The following TTC28 variants were observed in gnomAD, a reference collection of about 807,000 sequenced individuals.
TTC28 encodes tetratricopeptide repeat domain 28, also known as tetratricopeptide repeat protein 28.
TTC28 carries 61 observed loss-of-function variants against 198.0 expected under a neutral mutation model. The observed-to-expected ratio is 0.31, with a 90% confidence interval of 0.25 to 0.38. TTC28 has a LOEUF of 0.38. Among genes scored for constraint, TTC28 ranks in the 10% least tolerant of loss-of-function variants. The pLI is 1.00. For missense variants in TTC28, 2,678 were observed against 3,164.0 expected (o/e 0.85, Z 3.69); for synonymous variants, 1,171 against 1,297.8 (o/e 0.90, Z 2.10).
chr22:28,368,034 A>C (rs184699990), intron 2 of TTC28, among the ~76,000 whole-genome samples: 90 of 152,254 alleles, frequency 5.9e-4, no homozygotes, highest in Non-Finnish European at 1.2e-3. Flanking sequence ...ATAGAGAAGG[A>C]GAGAATACAT....
At position 28,297,018 on chromosome 22, in the gene TTC28, A is replaced by G. The variant is rs1210484519; in HGVS notation, c.802+562T>C. Among the ~76,000 whole-genome samples, 4 of 152,304 alleles carry G rather than the reference A, an allele frequency of 2.6e-5. No homozygotes were observed. The East Asian group carries it at 5.8e-4, about 22-fold the overall frequency. On this transcript the variant is annotated intron_variant, in intron 4 of 22. Coordinates refer to ENST00000397906, the MANE Select transcript of TTC28 (RefSeq NM_001145418.2). Reference sequence around the variant, plus strand: ...AATGAAGGAAAAAATTAAAACTAAGATGAAAGATTGACCCAACAATGTTAT... The same window carrying G: ...AATGAAGGAAAAAATTAAAACTAAGGTGAAAGATTGACCCAACAATGTTAT...
chr22:28,313,839 A>G (rs2045308234), intron 2 of TTC28, among the ~76,000 whole-genome samples: 1 of 152,216 alleles, frequency 6.6e-6, no homozygotes, highest in South Asian at 2.1e-4. Flanking sequence ...CCTATTCAAC[A>G]TAGTATTGGA....
In TTC28 at chr22:28,032,205, AAT is replaced by A. The variant is rs1309086754; in HGVS notation, c.3933-1841_3933-1840del. Among the ~76,000 whole-genome samples the A allele has an allele frequency of 4.7e-3, 478 of 100,790 alleles. 4 individuals are homozygous for A. Among genetic ancestry groups the A allele is most frequent in the Non-Finnish European group, 6.4e-3 (303 of 47,672 alleles). The allele number at this position is 100,790 out of a possible 152,430, so 66.1% of individuals were successfully genotyped here. ...ATATATATAAAATATATATATATAAAATATATATATATAAAATATATATATAT... is the reference window on the plus strand; with the variant it reads ...ATATATATAAAATATATATATATAAAATATATATATAAAATATATATATAT... On this transcript the variant is annotated intron_variant, in intron 12 of 22. Coordinates refer to ENST00000397906, the MANE Select transcript of TTC28 (RefSeq NM_001145418.2).
intron 2 of TTC28, among the ~76,000 whole-genome samples, chr22:28,408,996 T>C (rs374122093): frequency 1.3e-5 from 2 of 152,238 alleles, no homozygotes; most frequent in South Asian, 2.1e-4. Context: ...TACTGCAGCA[T>C]AGAGGAATCA....
intron 21 of TTC28, among the ~76,000 whole-genome samples, chr22:27,989,264 GT>G (rs1282118690): frequency 6.6e-6 from 1 of 152,200 alleles, no homozygotes; most frequent in Non-Finnish European, 1.5e-5. Context: ...TCTCTCAGAG[GT>G]GGTTTCAATA....
chr22:28,332,196 C>G (rs1191018606), intron 2 of TTC28, among the ~76,000 whole-genome samples: 1 of 152,016 alleles, frequency 6.6e-6, no homozygotes, highest in Non-Finnish European at 1.5e-5. Flanking sequence ...ATCCTCTCTA[C>G]CTTCTTTCAG....
chr22:28,015,563 C>G (rs1190720033), intron 13 of TTC28, among the ~76,000 whole-genome samples: 2 of 151,722 alleles, frequency 1.3e-5, no homozygotes, highest in Non-Finnish European at 2.9e-5. Flanking sequence ...GTTGGGTCCA[C>G]AGTTATGTAC....
chr22:28,224,939 C>T (rs992292618), intron 5 of TTC28, among the ~76,000 whole-genome samples: 2 of 152,158 alleles, frequency 1.3e-5, no homozygotes, highest in African/African-American at 2.4e-5. Context: ...CTTAGAAATT[C>T]GGCAGCTTTC....
chr22:28,460,684 T>TAGGC (rs151256529), intron 2 of TTC28, among the ~76,000 whole-genome samples: 8,431 of 151,508 alleles, frequency 0.056, 367 homozygotes, highest in Admixed American at 0.14. Context: ...GACAGATAGA[T>TAGGC]AGGCAGGCAG....
At chr22:28,260,475 G>C (rs1294856372) in intron 5 of TTC28, among the ~76,000 whole-genome samples, 1 of 152,032 alleles carries the variant, frequency 6.6e-6, no homozygotes, top group Non-Finnish European at 1.5e-5. Flanking sequence ...ATATTTTTGT[G>C]ACAAGAACTA....
intron 2 of TTC28, among the ~76,000 whole-genome samples, chr22:28,546,627 C>A (rs1244931970): frequency 6.6e-6 from 1 of 152,014 alleles, no homozygotes; most frequent in Non-Finnish European, 1.5e-5. Flanking sequence ...GGTCTTTACC[C>A]AAGAGAAATA....
chr22:28,367,568 A>T (rs922396883), intron 2 of TTC28, among the ~76,000 whole-genome samples: 3 of 152,000 alleles, frequency 2.0e-5, no homozygotes, highest in African/African-American at 7.2e-5. Context: ...TAGAGAAATA[A>T]TGAAGATCAG....
chr22:28,570,571 G>A (rs2050044142), intron 2 of TTC28, among the ~76,000 whole-genome samples: 2 of 152,112 alleles, frequency 1.3e-5, no homozygotes, highest in Non-Finnish European at 1.5e-5. Flanking sequence ...GGAGGAGAGT[G>A]AGGATCAGAA....
chr22:28,024,643 G>A (rs1361858738), intron 13 of TTC28, among the ~76,000 whole-genome samples: 1 of 152,220 alleles, frequency 6.6e-6, no homozygotes, highest in Non-Finnish European at 1.5e-5. Flanking sequence ...CCAGTGAGGG[G>A]CAGATTTCAT....
At chr22:28,093,156 T>C (rs1042784670) in intron 12 of TTC28, among the ~76,000 whole-genome samples, 75 of 152,312 alleles carry the variant, frequency 4.9e-4, no homozygotes, top group South Asian at 4.1e-4. Context: ...TATTCAATAA[T>C]CATTTTTCAC....
intron 2 of TTC28, among the ~76,000 whole-genome samples, chr22:28,454,852 G>A (rs914050513): frequency 6.6e-6 from 1 of 152,186 alleles, no homozygotes; most frequent in African/African-American, 2.4e-5. Context: ...CAAGCTCAGA[G>A]CTGCCAAACT....
intron 6 of TTC28, among the ~76,000 whole-genome samples, chr22:28,129,104 A>T (rs1016542001): frequency 1.3e-5 from 2 of 152,140 alleles, no homozygotes; most frequent in Non-Finnish European, 2.9e-5. Flanking sequence ...CAAGTACCCA[A>T]ATGCTTTAGG....
At chr22:28,311,406 C>A (rs905872720) in intron 2 of TTC28, among the ~76,000 whole-genome samples, 2 of 152,136 alleles carry the variant, frequency 1.3e-5, no homozygotes, top group Non-Finnish European at 1.5e-5. Flanking sequence ...ACTTTAATAT[C>A]ACTGTATGTA....
chr22:28,645,665 G>A (rs914919466), intron 1 of TTC28, among the ~76,000 whole-genome samples: 7 of 151,686 alleles, frequency 4.6e-5, no homozygotes, highest in Middle Eastern at 3.4e-3. Flanking sequence ...ATGATCAAGC[G>A]GGTTTCATCC....
Sources: gnomAD v4.1 joint callset for allele counts (sites outside exome capture counted in the v4.1 genomes callset) on GRCh38, gnomAD v4.1.1 for gene constraint, MANE v1.5 for transcripts, NCBI Gene and HGNC (gene_info 2026-07-23, HGNC 2026-07-21) for gene names.